NCEH1: variants seen among roughly 807,000 people sequenced by gnomAD.
NCEH1 encodes neutral cholesterol ester hydrolase 1, also known as 2-acetyl MAGE hydrolase.
A neutral mutation model predicts 25.4 loss-of-function variants in NCEH1; 9 were observed. The ratio of observed to expected loss-of-function variants is 0.35; its 90% confidence interval spans 0.21 to 0.62. The LOEUF is 0.62. NCEH1 is among the 20% of genes least tolerant of loss of function. NCEH1 has a pLI of 0.72. For synonymous variants in NCEH1, 200 were observed against 199.8 expected, an observed-to-expected ratio of 1.00 and a Z score of -0.01; for missense variants, 412 against 501.1, an observed-to-expected ratio of 0.82 and a Z score of 1.70.
intron 1 of NCEH1, among the ~76,000 whole-genome samples, chr3:172,701,449 C>CTTTTTTTT (rs10701435): frequency 0.028 from 3,141 of 110,754 alleles, 99 homozygotes; most frequent in Non-Finnish European, 0.039. Context: ...GGTCTTTTGC[C>CTTTTTTTT]TTTTTTTTTT....
intron 1 of NCEH1, among the ~76,000 whole-genome samples, chr3:172,671,717 A>C (rs377552784): frequency 6.6e-6 from 1 of 151,174 alleles, no homozygotes; most frequent in Non-Finnish European, 1.5e-5. Context: ...TATCAGGTGT[A>C]TATAAATGTA....
chr3:172,701,280 T>C (rs1374487363), intron 1 of NCEH1, among the ~76,000 whole-genome samples: 1 of 152,112 alleles, frequency 6.6e-6, no homozygotes, highest in Non-Finnish European at 1.5e-5. Context: ...TGGTCCCCAT[T>C]CACCCAGCTA....
intron 1 of NCEH1, among the ~76,000 whole-genome samples, chr3:172,659,985 C>CTT (rs59222244): frequency 1.6e-4 from 22 of 140,560 alleles, no homozygotes; most frequent in Non-Finnish European, 2.9e-4. Flanking sequence ...TGAAGCATTT[C>CTT]TTTTTTTTTT....
intron 1 of NCEH1, among the ~76,000 whole-genome samples, chr3:172,698,715 T>C (rs749037960): frequency 6.6e-6 from 1 of 152,186 alleles, no homozygotes; most frequent in Admixed American, 6.5e-5. Context: ...TCATGACAAA[T>C]TTGAAAACAA....
intron 1 of NCEH1, among the ~76,000 whole-genome samples, chr3:172,700,309 G>T (rs766855616): frequency 6.6e-6 from 1 of 151,936 alleles, no homozygotes; most frequent in African/African-American, 2.4e-5. Context: ...AAATGTAATT[G>T]TTTCTATGAC....
In NCEH1 at chr3:172,676,180, CAGAG is replaced by C. The variant is rs542572647; in HGVS notation, c.139-28070_139-28067del. 3.9e-5 allele frequency among the ~76,000 whole-genome samples: 6 copies of C among 152,190 alleles called. No individual in the cohort carries two copies. In the South Asian group the frequency reaches 6.2e-4, roughly 16 times the overall value. ...TGTTACTTAAAAAAGTTTTTTTAGG[CAGAG>C]AGAGAGGCTAAAAGGAGTTCTTGGT... On this transcript the variant is annotated intron_variant, in intron 1 of 4. Transcript: ENST00000475381.
chr3:172,686,300 CTT>C (rs1712690175), intron 1 of NCEH1, among the ~76,000 whole-genome samples: 1 of 152,216 alleles, frequency 6.6e-6, no homozygotes, highest in Non-Finnish European at 1.5e-5. Flanking sequence ...AGAGCATCCT[CTT>C]GAAGTATTTC....
intron 1 of NCEH1, among the ~76,000 whole-genome samples, chr3:172,689,508 A>G (rs1460731169): frequency 6.6e-6 from 1 of 151,312 alleles, no homozygotes; most frequent in Non-Finnish European, 1.5e-5. Context: ...CGGCCTCCCA[A>G]AGTGCTGGGA....
chr3:172,651,145 T>G (rs967005594), intron 1 of NCEH1, among the ~76,000 whole-genome samples: 7 of 152,274 alleles, frequency 4.6e-5, no homozygotes, highest in African/African-American at 1.4e-4. Flanking sequence ...GTAGGTACTA[T>G]TATCTTGCTT....
At chr3:172,686,706 G>A (rs530385371) in intron 1 of NCEH1, among the ~76,000 whole-genome samples, 3 of 152,276 alleles carry the variant, frequency 2.0e-5, no homozygotes, top group African/African-American at 7.2e-5. Flanking sequence ...AGTGGCGGGT[G>A]ATCCTGGGCC....
chr3:172,649,116 C>T (rs1402324842), intron 1 of NCEH1, among the ~76,000 whole-genome samples: 8 of 152,148 alleles, frequency 5.3e-5, no homozygotes, highest in Non-Finnish European at 1.0e-4. Context: ...TACGACGGTA[C>T]ACCTTGAAGA....
intron 1 of NCEH1, among the ~76,000 whole-genome samples, chr3:172,701,616 GTTTTTTT>G (rs60219751): frequency 9.0e-6 from 1 of 110,724 alleles, no homozygotes; most frequent in African/African-American, 3.7e-5. Context: ...TGCCCAGCTA[GTTTTTTT>G]TTTTTTTTTT....
intron 1 of NCEH1, among the ~76,000 whole-genome samples, chr3:172,648,445 T>A (rs1717234285): frequency 6.6e-6 from 1 of 152,150 alleles, no homozygotes; most frequent in Admixed American, 6.5e-5. Context: ...GTACCTTTTT[T>A]TTCTAAATAA....
chr3:172,633,766 A>G lies in NCEH1; in HGVS notation c.936T>C (p.Ile312=). 6.2e-7 allele frequency: 1 copy of G among 1,614,246 alleles called. No individual in the cohort carries two copies. ...CCAGCAACTGAGGAAGCTCCTGGACAATCCTGGCATTGCCTGTGGTCTGTA... is the reference window on the plus strand; with the variant it reads ...CCAGCAACTGAGGAAGCTCCTGGACGATCCTGGCATTGCCTGTGGTCTGTA... ...PVVQTTGNAR[I]VQELPQLLDA... is the part of the protein sequence containing the mutation. Residue 312 remains isoleucine (I), a synonymous_variant, in exon 5 of 5, where the codon ATT becomes ATC. Transcript: ENST00000475381.
intron 1 of NCEH1, among the ~76,000 whole-genome samples, chr3:172,696,329 G>A (rs73173354): frequency 0.12 from 19,001 of 152,100 alleles, 1,371 homozygotes; most frequent in Non-Finnish European, 0.17. Flanking sequence ...GCAAACCTGA[G>A]AGCAATAGCA....
chr3:172,644,957 G>A (rs1717048326), intron 3 of NCEH1, among the ~76,000 whole-genome samples: 1 of 152,150 alleles, frequency 6.6e-6, no homozygotes, highest in African/African-American at 2.4e-5. Context: ...AAAAAGGCTT[G>A]GCTGAGAGGA....
At chr3:172,662,766 A>G (rs1296708601) in intron 1 of NCEH1, among the ~76,000 whole-genome samples, 1 of 152,126 alleles carries the variant, frequency 6.6e-6, no homozygotes, top group Admixed American at 6.5e-5. Flanking sequence ...GGTGTTCATA[A>G]TATTCTCTGA....
chr3:172,653,758 TTG>T (rs56050797), intron 1 of NCEH1, among the ~76,000 whole-genome samples: 5 of 71,738 alleles, frequency 7.0e-5, no homozygotes, highest in African/African-American at 2.4e-4. Context: ...TTTTGTTTTT[TTG>T]TTTTTTTTTT....
At chr3:172,655,929 A>T (rs1029368529) in intron 1 of NCEH1, among the ~76,000 whole-genome samples, 2 of 152,194 alleles carry the variant, frequency 1.3e-5, no homozygotes, top group African/African-American at 4.8e-5. Flanking sequence ...AGGGAGTGAG[A>T]AAAAGAGAGA....
Sources: gnomAD v4.1 joint callset for allele counts (sites outside exome capture counted in the v4.1 genomes callset) on GRCh38, gnomAD v4.1.1 for gene constraint, MANE v1.5 for transcripts, NCBI Gene and HGNC (gene_info 2026-07-23, HGNC 2026-07-21) for gene names.